Variants in SRSF1 observed in about 807,000 individuals in gnomAD.
SRSF1 encodes the protein serine/arginine-rich splicing factor 1.
In SRSF1, 1 loss-of-function variant was observed where a neutral mutation model predicts 25.9. The ratio of observed to expected loss-of-function variants is 0.04; its 90% CI spans 0.01 to 0.18. SRSF1 has a LOEUF of 0.18. SRSF1 is among the 10% of genes least tolerant of loss of function. SRSF1 has a pLI of 1.00. For missense variants in SRSF1, 65 were observed against 350.5 expected (o/e 0.19, Z 6.50); for synonymous variants, 132 against 126.2 (o/e 1.05, Z -0.31).
chr17:57,990,430 T>A, the SRSF1 span: 1 of 152,234 alleles, frequency 6.6e-6, no homozygotes, highest in East Asian at 1.9e-4. Context: ...CATGTAAATT[T>A]TAAACACTGA....
chr17:58,005,507 G>GGCTTCTGCT lies in SRSF1; in HGVS notation c.637_645dup (p.Ser213_Ser215dup), dbSNP rs1567748780. 1 of 1,614,012 alleles carries GGCTTCTGCT rather than the reference G, an allele frequency of 6.2e-7. No homozygotes were observed. The highest frequency in any genetic ancestry group is 8.5e-7 in the Non-Finnish European group (1 of 1,179,998). On this transcript the variant is annotated inframe_insertion, in exon 4 of 4. Coordinates refer to ENST00000258962, the MANE Select transcript of SRSF1 (RefSeq NM_006924.5). The surrounding 1 kb of genome is among the most constrained non-coding windows in gnomAD (Gnocchi z 5.2). ...CGACTCCTGCTGTTGCTTCTGCTAC[G>GGCTTCTGCT]GCTTCTGCTACGACTACGGCTTCGA...
At position 58,001,353 on chromosome 17, in the gene SRSF1, T is replaced by A. The variant is rs577093421; in HGVS notation, c.*4053A>T. Among the ~76,000 whole-genome samples, 1 of 152,272 alleles carries A rather than the reference T, an allele frequency of 6.6e-6. No homozygotes were observed. Among genetic ancestry groups the A allele is most frequent in the South Asian group, 2.1e-4 (1 of 4,826 alleles). On this transcript the variant is annotated 3_prime_UTR_variant, in exon 4 of 4. Transcript: ENST00000258962. ...TGAGCACTGAATATTTACTAAAGCA[T>A]AAAACTTAGGAAAAATCATTTTACG...
In SRSF1 at chr17:58,004,875, G is replaced by A. The variant is rs2075416760; in HGVS notation, c.*531C>T. The A allele has an allele frequency of 2.5e-6, 1 of 399,632 alleles. No homozygotes were observed. Among genetic ancestry groups the A allele is most frequent in the East Asian group, 3.6e-5 (1 of 28,062 alleles). The allele number at this position is 399,632 out of a possible 1,614,324, so 24.8% of individuals were successfully genotyped here. On this transcript the variant is annotated 3_prime_UTR_variant, in exon 4 of 4. Transcript: ENST00000258962. ...TTTTAACCCCTGCCTTTTAGTATAAGGTCAATACTGCCAATTTCATCTGTG... is the reference window on the plus strand; with the variant it reads ...TTTTAACCCCTGCCTTTTAGTATAAAGTCAATACTGCCAATTTCATCTGTG...
At chr17:57,993,389 C>CAAAAAAAAAAAAA in the SRSF1 span, 150 of 123,158 alleles carry the variant, frequency 1.2e-3, 1 homozygote, top group African/African-American at 4.3e-3. Flanking sequence ...GACTCCGTCT[C>CAAAAAAAAAAAAA]AAAAAAAAAA....
At position 58,007,137 on chromosome 17, in the gene SRSF1, TG is replaced by T; in HGVS notation, c.-1del. 6.2e-7 allele frequency: 1 copy of T among 1,614,002 alleles called. No individual in the cohort carries two copies. Among genetic ancestry groups the T allele is most frequent in the Non-Finnish European group, 8.5e-7 (1 of 1,179,990 alleles). ...CCACGAATCACACCACCTCCCGACA[TG>T]GCGGTGACGAAAAGCGCGGACTCGA... On this transcript the variant is annotated 5_prime_UTR_variant, in exon 1 of 4. Transcript: ENST00000258962.
At chr17:57,994,481 TAA>T in the SRSF1 span, 1 of 152,072 alleles carries the variant, frequency 6.6e-6, no homozygotes, top group Admixed American at 6.5e-5. Context: ...GAGTTTGAGA[TAA>T]AACTCCTGTG....
At chr17:57,996,483 T>TTAAAAAAAAAAA (rs538866531), downstream of SRSF1, among the ~76,000 whole-genome samples, 7 of 72,372 alleles carry the variant, frequency 9.7e-5, no homozygotes, top group African/African-American at 1.7e-4. Context: ...GACACTGTCT[T>TTAAAAAAAAAAA]AAAAAAAAAA....
At position 58,002,422 on chromosome 17, in the gene SRSF1, C is replaced by G. The variant is rs1208298358; in HGVS notation, c.*2984G>C. Among the ~76,000 whole-genome samples the G allele has an allele frequency of 6.6e-6, 1 of 152,106 alleles. No homozygotes were observed. Among genetic ancestry groups the G allele is most frequent in the African/African-American group, 2.4e-5 (1 of 41,392 alleles). On this transcript the variant is annotated 3_prime_UTR_variant, in exon 4 of 4. Transcript: ENST00000258962. ...AAATAATCACCTTAAATTCAACTTC[C>G]AACTATGATTAGCACCCAAGGGAAA... is the stretch of plus-strand genomic sequence containing the variant.
chr17:57,994,603 G>C, the SRSF1 span: 13 of 152,224 alleles, frequency 8.5e-5, no homozygotes, highest in African/African-American at 3.1e-4. Context: ...CCCAGTACTC[G>C]ATATATCAAA....
Position 58,004,824 on chromosome 17 carries a change from G to A in SRSF1, c.*582C>T. 1 of 397,202 alleles carries A rather than the reference G, an allele frequency of 2.5e-6. No individual in the cohort carries two copies. 24.6% of individuals were successfully genotyped at this position (397,202 alleles called of 1,614,324 possible). On this transcript the variant is annotated 3_prime_UTR_variant, in exon 4 of 4. Transcript: ENST00000258962. The stretch of plus-strand genomic sequence containing the variant: ...ACAACTGAATAAAATGTTTGCAAGT[G>A]TTTTAAGGAAAATGTATATAATCAT...
chr17:58,002,524 A>T lies in SRSF1; in HGVS notation c.*2882T>A, dbSNP rs751692032. On this transcript the variant is annotated 3_prime_UTR_variant, in exon 4 of 4. Transcript: ENST00000258962. The stretch of plus-strand genomic sequence containing the variant: ...GGGGCTGTCAGTAGACAAATACAAG[A>T]AGTAGCAGGCTAAAAGTTTTTAACT... 1.3e-4 allele frequency among the ~76,000 whole-genome samples: 20 copies of T among 152,220 alleles called. No individual in the cohort carries two copies. Among genetic ancestry groups the T allele is most frequent in the Non-Finnish European group, 2.2e-4 (15 of 68,030 alleles).
Position 58,007,182 on chromosome 17 carries a change from A to G in SRSF1, c.-45T>C, listed in dbSNP as rs771573596. 1.9e-6 allele frequency: 3 copies of G among 1,606,374 alleles called. No individual in the cohort carries two copies. Among genetic ancestry groups the G allele is most frequent in the Non-Finnish European group, 2.6e-6 (3 of 1,175,962 alleles). ...GACTCGAGAACAGGCCTTCCCACCA[A>G]GCCTAGCGCACGGCAGAGCGAGCCC... On this transcript the variant is annotated 5_prime_UTR_variant, in exon 1 of 4. Coordinates refer to ENST00000258962, the MANE Select transcript of SRSF1 (RefSeq NM_006924.5).
In SRSF1 at chr17:58,005,172, G is replaced by A; in HGVS notation, c.*234C>T. ...CATTTACACAATATCACAGTCTGAA[G>A]AGTATGGAGTTAACTAAATTTAAAC... On this transcript the variant is annotated 3_prime_UTR_variant, in exon 4 of 4. Coordinates refer to ENST00000258962, the MANE Select transcript of SRSF1 (RefSeq NM_006924.5). The surrounding 1 kb of genome is among the most constrained non-coding windows in gnomAD (Gnocchi z 5.2). The A allele has an allele frequency of 5.2e-6, 3 of 572,408 alleles. No individual in the cohort carries two copies. The highest frequency in any genetic ancestry group is 2.4e-5 in the South Asian group (1 of 40,938). 35.5% of individuals were successfully genotyped at this position (572,408 alleles called of 1,614,324 possible).
At position 58,005,285 on chromosome 17, in the gene SRSF1, T is replaced by C. The variant is rs2075419326; in HGVS notation, c.*121A>G. ...TAGGAGCAAGGGGATATTACAAGAATGCAATTCAACACTTTAGCCCATTCT... is the reference window on the plus strand; with the variant it reads ...TAGGAGCAAGGGGATATTACAAGAACGCAATTCAACACTTTAGCCCATTCT... On this transcript the variant is annotated 3_prime_UTR_variant, in exon 4 of 4. Coordinates refer to ENST00000258962, the MANE Select transcript of SRSF1 (RefSeq NM_006924.5). The surrounding 1 kb of genome is among the most constrained non-coding windows in gnomAD (Gnocchi z 5.2). 2 of 1,019,886 alleles carry C rather than the reference T, an allele frequency of 2.0e-6. No homozygotes were observed. The highest frequency in any genetic ancestry group is 2.9e-6 in the Non-Finnish European group (2 of 689,986). The allele number at this position is 1,019,886 out of a possible 1,614,324, so 63.2% of individuals were successfully genotyped here. A position where few individuals can be genotyped will look rare whatever the true frequency, so the allele number is the denominator to read the frequency against.
rs751321031 is a variant in SRSF1, at chr17:58,006,330, C to T, written c.379+13G>A. 1 of 1,606,228 alleles carries T rather than the reference C, an allele frequency of 6.2e-7. No individual in the cohort carries two copies. Among genetic ancestry groups the T allele is most frequent in the African/African-American group, 1.3e-5 (1 of 74,732 alleles). On this transcript the variant is annotated intron_variant, in intron 2 of 3. Transcript: ENST00000258962. Reference sequence around the variant, plus strand: ...CGTCCCTTCACATCAATCCACACAACCAGTACACTCACCAGAGACAACCAC... The same window carrying T: ...CGTCCCTTCACATCAATCCACACAATCAGTACACTCACCAGAGACAACCAC...
chr17:57,996,483 T>TAAAAAAAA (rs10677825), downstream of SRSF1, among the ~76,000 whole-genome samples: 1,654 of 72,158 alleles, frequency 0.023, 90 homozygotes, highest in East Asian at 0.032. Context: ...GACACTGTCT[T>TAAAAAAAA]AAAAAAAAAA....
downstream of SRSF1, among the ~76,000 whole-genome samples, chr17:57,996,706 A>G (rs971134952): frequency 6.6e-6 from 1 of 152,140 alleles, no homozygotes; most frequent in Non-Finnish European, 1.5e-5. Flanking sequence ...TTTTAATGGC[A>G]AAAGGAATGG....
the SRSF1 span, chr17:57,994,217 A>C: frequency 6.6e-6 from 1 of 152,244 alleles, no homozygotes; most frequent in Non-Finnish European, 1.5e-5. Flanking sequence ...CTACTACAGT[A>C]ATTTTTCCGT....
In SRSF1 at chr17:58,001,489, CTT is replaced by C. The variant is rs1310140493; in HGVS notation, c.*3915_*3916del. On this transcript the variant is annotated 3_prime_UTR_variant, in exon 4 of 4. Transcript: ENST00000258962. ...AAGAACCAGAAAATGGGTTTCTTAC[CTT>C]TTGTTTCCAGTAGGATGTGGGCTGA... Among the ~76,000 whole-genome samples the C allele has an allele frequency of 9.2e-5, 14 of 152,224 alleles. No homozygotes were observed. Among genetic ancestry groups the C allele is most frequent in the Admixed American group, 7.8e-4 (12 of 15,288 alleles).
Sources: allele counts gnomAD v4.1 joint callset (sites outside exome capture counted in the v4.1 genomes callset), GRCh38; gene constraint gnomAD v4.1.1; non-coding constraint Gnocchi (gnomAD v3.1); transcripts MANE v1.5; gene names NCBI Gene and HGNC (gene_info 2026-07-23, HGNC 2026-07-21).